PRDM5: variants seen among roughly 807,000 people sequenced by gnomAD.
PRDM5 encodes PR/SET domain 5.
In PRDM5, 56 loss-of-function variants were observed where a neutral mutation model predicts 81.2. The ratio of observed to expected loss-of-function variants is 0.69; its 90% CI spans 0.56 to 0.86. The LOEUF is 0.86. Among genes scored for constraint, PRDM5 ranks in the 40% least tolerant of loss-of-function variants. PRDM5 has a pLI of 0.00. For missense variants in PRDM5, 697 were observed against 770.1 expected (o/e 0.91, Z 1.12); for synonymous variants, 267 against 256.4 (o/e 1.04, Z -0.39).
chr4:120,851,497 T>C (rs1271897528), intron 3 of PRDM5, among the ~76,000 whole-genome samples: 2 of 151,622 alleles, frequency 1.3e-5, no homozygotes, highest in Non-Finnish European at 2.9e-5. Context: ...AGTTTAAACT[T>C]GTGGTTGGAT....
chr4:120,764,682 T>C (rs1315394911), intron 13 of PRDM5, among the ~76,000 whole-genome samples: 1 of 152,156 alleles, frequency 6.6e-6, no homozygotes, highest in Non-Finnish European at 1.5e-5. Context: ...TCTAAAAACA[T>C]GCAGTTCAAG....
chr4:120,758,913 G>A (rs1035162133), intron 13 of PRDM5, among the ~76,000 whole-genome samples: 5 of 151,940 alleles, frequency 3.3e-5, no homozygotes, highest in South Asian at 2.1e-4. Context: ...CCGCCACCAC[G>A]CCTGGCTAAT....
At chr4:120,800,341 C>A (rs973933922) in intron 8 of PRDM5, among the ~76,000 whole-genome samples, 2 of 152,070 alleles carry the variant, frequency 1.3e-5, no homozygotes, top group African/African-American at 4.8e-5. Context: ...CAAAGTGAGA[C>A]CTCGTCCCTA....
At chr4:120,909,962 T>C (rs1173889710) in intron 1 of PRDM5, among the ~76,000 whole-genome samples, 2 of 151,850 alleles carry the variant, frequency 1.3e-5, no homozygotes, top group Admixed American at 1.3e-4. Flanking sequence ...CCTATAAAAC[T>C]GAGATACTTA....
At chr4:120,729,203 GA>G (rs1365407163) in intron 14 of PRDM5, among the ~76,000 whole-genome samples, 1 of 152,062 alleles carries the variant, frequency 6.6e-6, no homozygotes, top group Non-Finnish European at 1.5e-5. Context: ...CATGTTCTTA[GA>G]ACATATAACT....
At chr4:120,903,176 C>T (rs73843653) in intron 2 of PRDM5, among the ~76,000 whole-genome samples, 3,383 of 152,252 alleles carry the variant, frequency 0.022, 51 homozygotes, top group Middle Eastern at 0.061. Flanking sequence ...AGAAGGACTA[C>T]TCATTTGAGA....
intron 14 of PRDM5, 115 bp from the exon 15 acceptor site, chr4:120,710,528 A>G: frequency 1.2e-6 from 1 of 832,726 alleles, no homozygotes; most frequent in South Asian, 1.4e-5. Context: ...ATTTACAGGT[A>G]TGCTGATATG....
intron 2 of PRDM5, among the ~76,000 whole-genome samples, chr4:120,876,420 T>C (rs1011073707): frequency 6.6e-6 from 1 of 150,752 alleles, no homozygotes; most frequent in Non-Finnish European, 1.5e-5. Context: ...GCCTATCTTT[T>C]ATTTTGTGTG....
chr4:120,821,394 T>C lies in PRDM5; in HGVS notation c.301-49A>G, dbSNP rs371630915. On this transcript the variant is annotated intron_variant, in intron 3 of 15. Transcript: ENST00000264808. ...TGAACCATTCATTTGTTTCTGATAGTAATTAAGAAATAATTTTAAGATACA... is the reference window on the plus strand; with the variant it reads ...TGAACCATTCATTTGTTTCTGATAGCAATTAAGAAATAATTTTAAGATACA... 3.0e-4 allele frequency: 458 copies of C among 1,518,948 alleles called. 1 individual carries two copies. The highest frequency in any genetic ancestry group is 3.9e-4 in the Non-Finnish European group (428 of 1,097,382). 94.1% of individuals were successfully genotyped at this position (1,518,948 alleles called of 1,614,324 possible).
intron 2 of PRDM5, among the ~76,000 whole-genome samples, chr4:120,873,342 C>T (rs1385577648): frequency 6.6e-6 from 1 of 152,178 alleles, no homozygotes; most frequent in East Asian, 1.9e-4. Flanking sequence ...TATCTATCCC[C>T]TCCCTTCACT....
At chr4:120,690,007 A>T (rs1453922401), downstream of PRDM5, among the ~76,000 whole-genome samples, 3 of 152,268 alleles carry the variant, frequency 2.0e-5, no homozygotes, top group South Asian at 6.2e-4. Flanking sequence ...TAAATGTCAC[A>T]TTGCTCCCCA....
At chr4:120,741,003 C>G (rs1434493377) in intron 14 of PRDM5, among the ~76,000 whole-genome samples, 1 of 152,100 alleles carries the variant, frequency 6.6e-6, no homozygotes, top group East Asian at 1.9e-4. Context: ...TTTTTCTGGC[C>G]TGCCCTCTAC....
chr4:120,884,242 T>C (rs72680463), intron 2 of PRDM5, among the ~76,000 whole-genome samples: 20,497 of 152,214 alleles, frequency 0.13, 1,486 homozygotes, highest in South Asian at 0.21. Context: ...TGTGGGACAT[T>C]AATGTCGTAT....
chr4:120,809,059 G>A (rs1046286837), intron 8 of PRDM5, among the ~76,000 whole-genome samples: 25 of 152,346 alleles, frequency 1.6e-4, no homozygotes, highest in Admixed American at 7.8e-4. Context: ...TGGCCAGAGC[G>A]GGCGCCAAGG....
At chr4:120,747,640 C>A (rs1204076707) in intron 14 of PRDM5, among the ~76,000 whole-genome samples, 1 of 152,106 alleles carries the variant, frequency 6.6e-6, no homozygotes, top group Non-Finnish European at 1.5e-5. Context: ...AGGCACAGGT[C>A]TGTTAAACCC....
At chr4:120,882,623 C>T (rs916853506) in intron 2 of PRDM5, among the ~76,000 whole-genome samples, 1 of 152,100 alleles carries the variant, frequency 6.6e-6, no homozygotes, top group African/African-American at 2.4e-5. Flanking sequence ...TACATAAATA[C>T]CATGTATATA....
At chr4:120,909,725 G>A (rs936076171) in intron 1 of PRDM5, among the ~76,000 whole-genome samples, 4 of 152,030 alleles carry the variant, frequency 2.6e-5, no homozygotes, top group East Asian at 1.9e-4. Flanking sequence ...TGGGGGGTGC[G>A]GGGGAAGCCT....
chr4:120,737,550 G>A (rs1224299974), intron 14 of PRDM5, among the ~76,000 whole-genome samples: 1 of 152,152 alleles, frequency 6.6e-6, no homozygotes, highest in Non-Finnish European at 1.5e-5. Flanking sequence ...AATGTCCTTA[G>A]TGTCCGTCTT....
At chr4:120,717,506 A>T (rs1214427267) in intron 14 of PRDM5, among the ~76,000 whole-genome samples, 1 of 152,246 alleles carries the variant, frequency 6.6e-6, no homozygotes, top group Non-Finnish European at 1.5e-5. Flanking sequence ...TTGATAAGAT[A>T]AACTGAATTA....
Sources: gnomAD v4.1 joint callset for allele counts (sites outside exome capture counted in the v4.1 genomes callset) on GRCh38, gnomAD v4.1.1 for gene constraint, MANE v1.5 for transcripts, NCBI Gene and HGNC (gene_info 2026-07-23, HGNC 2026-07-21) for gene names.